ALDH1A1: variants seen among roughly 807,000 people sequenced by gnomAD.
ALDH1A1 encodes the protein aldehyde dehydrogenase 1 family member A1.
A neutral mutation model predicts 62.1 loss-of-function variants in ALDH1A1; 19 were observed. The ratio of observed to expected loss-of-function variants is 0.31; its 90% CI spans 0.21 to 0.45. ALDH1A1 has a LOEUF of 0.45. Ranked by LOEUF, ALDH1A1 falls within the 20% of genes least tolerant of loss-of-function variation. The pLI is 1.00. For missense variants in ALDH1A1, 521 were observed against 607.1 expected, an observed-to-expected ratio of 0.86 and a Z score of 1.49; for synonymous variants, 231 against 215.9, an observed-to-expected ratio of 1.07 and a Z score of -0.61.
chr9:72,918,760 A>G lies in ALDH1A1; in HGVS notation c.810T>C (p.Leu270=). 6.2e-7 allele frequency: 1 copy of G among 1,613,838 alleles called. No homozygotes were observed. ...ACACAATGCAAGGGCTCTTTCCTCC[A>G]AGCTCCAGGGTCACCCTCTTCAGAT... ...KSNLKRVTLE[L]GGKSPCIVLA... Residue 270 remains leucine (L), a synonymous_variant, in exon 8 of 13, where the codon CTT becomes CTC. Transcript: ENST00000297785.
chr9:72,906,446 T>A (rs970399764), intron 11 of ALDH1A1, among the ~76,000 whole-genome samples: 2 of 152,226 alleles, frequency 1.3e-5, no homozygotes, highest in African/African-American at 4.8e-5. Flanking sequence ...CAGGCTAGAA[T>A]CAATTTTCTT....
chr9:72,911,234 CAT>C (rs1422643018), intron 10 of ALDH1A1, among the ~76,000 whole-genome samples: 1 of 151,900 alleles, frequency 6.6e-6, no homozygotes, highest in East Asian at 1.9e-4. Flanking sequence ...ACTAAGAGCA[CAT>C]AGAAGGTAGG....
rs8187933 is a variant in ALDH1A1 at position 72,925,294 on chromosome 9, T to G, written c.633+190A>C. On this transcript the variant is annotated intron_variant, in intron 6 of 12. Coordinates refer to ENST00000297785, the MANE Select transcript of ALDH1A1 (RefSeq NM_000689.5). ...AAACCTTTGTGTTTGGCTTCCTGTC[T>G]GCATTTGGGCAGAGATGAATTTGGG... 3.9e-3 allele frequency among the ~76,000 whole-genome samples: 600 copies of G among 152,340 alleles called. 4 individuals carry two copies. The highest frequency in any genetic ancestry group is 0.013 in the African/African-American group (542 of 41,582).
chr9:72,928,013 T>G (rs1366710179), intron 4 of ALDH1A1, among the ~76,000 whole-genome samples: 1 of 93,228 alleles, frequency 1.1e-5, no homozygotes, highest in Non-Finnish European at 2.7e-5. Flanking sequence ...GTGTTTTAAG[T>G]GACTTCTCCC....
At chr9:72,905,251 A>T (rs906228739) in intron 12 of ALDH1A1, among the ~76,000 whole-genome samples, 2 of 152,160 alleles carry the variant, frequency 1.3e-5, no homozygotes, top group African/African-American at 4.8e-5. Context: ...AAACAAAATC[A>T]ACTAAGCATA....
At chr9:72,909,868 G>T (rs63319) in intron 10 of ALDH1A1, 109 bp from the exon 11 acceptor site, 484,853 of 952,984 alleles carry the variant, frequency 0.51, 125,865 homozygotes, top group African/African-American at 0.7. Flanking sequence ...TTAAGATTTT[G>T]CTTCTCATCT....
intron 9 of ALDH1A1, 98 bp from the exon 10 acceptor site, chr9:72,912,220 T>A (rs940457775): frequency 1.0e-6 from 1 of 974,524 alleles, no homozygotes; most frequent in Non-Finnish European, 1.5e-6. Flanking sequence ...TGCTAAAATA[T>A]TGCAATTAAA....
rs540691650 is a variant in ALDH1A1, at chr9:72,928,361, A to G, written c.442+531T>C. ...ACACAAACCCTTAACTTAGGCTGCAAACACAGTCCCATCTTGCTTTGAAGA... is the reference window on the plus strand; with the variant it reads ...ACACAAACCCTTAACTTAGGCTGCAGACACAGTCCCATCTTGCTTTGAAGA... On this transcript the variant is annotated intron_variant, in intron 4 of 12. Transcript: ENST00000297785. Among the ~76,000 whole-genome samples, 67 of 152,310 alleles carry G rather than the reference A, an allele frequency of 4.4e-4. 1 individual carries two copies. The highest frequency in any genetic ancestry group is 8.7e-4 in the Non-Finnish European group (59 of 68,032).
intron 5 of ALDH1A1, among the ~76,000 whole-genome samples, chr9:72,926,358 A>G (rs2118534333): frequency 6.6e-6 from 1 of 152,356 alleles, no homozygotes; most frequent in South Asian, 2.1e-4. Flanking sequence ...TAAAATATTG[A>G]TATGAATATA....
chr9:72,911,410 T>C (rs533722359), intron 10 of ALDH1A1, among the ~76,000 whole-genome samples: 103 of 152,254 alleles, frequency 6.8e-4, no homozygotes, highest in African/African-American at 2.3e-3. Context: ...AAGTATACAA[T>C]ACATTGTTAT....
chr9:72,930,233 C>T (rs1830264162), intron 3 of ALDH1A1, among the ~76,000 whole-genome samples: 1 of 152,142 alleles, frequency 6.6e-6, no homozygotes, highest in South Asian at 2.1e-4. Context: ...TGCTCTGACT[C>T]ATCTAACTGC....
Position 72,909,750 on chromosome 9 carries a change from G to T in ALDH1A1, c.1210C>A (p.Pro404Thr), listed in dbSNP as rs1377533503. ...TTAAACTTCATGATTTGCTGCACTG[G>T]TCCAAAAATCTATACCACAAGAAAT... ...MRIAKEEIFG[P>T]VQQIMKFKSL... Residue 404 changes from proline to threonine, a missense_variant, in exon 11 of 13, where the codon CCA becomes ACA. Transcript: ENST00000297785. 6.2e-7 allele frequency: 1 copy of T among 1,606,974 alleles called. No homozygotes were observed.
intron 12 of ALDH1A1, among the ~76,000 whole-genome samples, chr9:72,905,703 T>C (rs1360665988): frequency 6.6e-6 from 1 of 152,178 alleles, no homozygotes; most frequent in Non-Finnish European, 1.5e-5. Flanking sequence ...CAAGCAGTAT[T>C]ACAATCACCA....
chr9:72,923,684 A>G (rs919655979), intron 7 of ALDH1A1, among the ~76,000 whole-genome samples: 1 of 152,196 alleles, frequency 6.6e-6, no homozygotes, highest in Non-Finnish European at 1.5e-5. Flanking sequence ...ATAGGATAAA[A>G]TCATATTCAT....
intron 8 of ALDH1A1, 82 bp from the exon 9 acceptor site, chr9:72,917,186 A>G: frequency 1.8e-6 from 2 of 1,139,850 alleles, no homozygotes; most frequent in Non-Finnish European, 2.3e-6. Flanking sequence ...ACATGGAGAT[A>G]AAGAAAAATT....
At chr9:72,943,900 G>C (rs1179618255) in intron 1 of ALDH1A1, among the ~76,000 whole-genome samples, 3 of 151,854 alleles carry the variant, frequency 2.0e-5, no homozygotes, top group African/African-American at 7.3e-5. Flanking sequence ...GAGGGGCATA[G>C]GCTGAAAGAA....
intron 4 of ALDH1A1, 21 bp from the exon 5 acceptor site, chr9:72,927,198 A>G (rs965660721): frequency 6.5e-7 from 1 of 1,531,808 alleles, no homozygotes; most frequent in Non-Finnish European, 9.0e-7. Flanking sequence ...AAACACACAC[A>G]ATCATATATA....
At chr9:72,931,702 C>G (rs575578161) in intron 2 of ALDH1A1, among the ~76,000 whole-genome samples, 1 of 152,272 alleles carries the variant, frequency 6.6e-6, no homozygotes, top group Admixed American at 6.5e-5. Flanking sequence ...TCCTCTTGTG[C>G]AGAGGGAACA....
chr9:72,931,682 A>C (rs960479808), intron 2 of ALDH1A1, among the ~76,000 whole-genome samples: 2 of 152,210 alleles, frequency 1.3e-5, no homozygotes, highest in East Asian at 3.9e-4. Context: ...CCTTAGAAAC[A>C]TGTGCTCATT....
Sources: gnomAD v4.1 joint callset for allele counts (sites outside exome capture counted in the v4.1 genomes callset) on GRCh38, gnomAD v4.1.1 for gene constraint, MANE v1.5 for transcripts, NCBI Gene and HGNC (gene_info 2026-07-23, HGNC 2026-07-21) for gene names.